Variants in PRSS23 observed in about 807,000 individuals in gnomAD.
PRSS23 encodes the protein protease, serine 23.
In PRSS23, 25 loss-of-function variants were observed where a neutral mutation model predicts 34.7. The ratio of observed to expected loss-of-function variants is 0.72; its 90% CI spans 0.53 to 1.01. The LOEUF is 1.01. PRSS23 is among the 50% of genes least tolerant of loss of function. The pLI, the probability that PRSS23 is intolerant of heterozygous loss-of-function variation, is 0.00. For synonymous variants in PRSS23, 176 were observed against 186.6 expected (o/e 0.94, Z 0.46); for missense variants, 445 against 475.6 (o/e 0.94, Z 0.60).
intron 2 of PRSS23, chr11:86,948,489 T>G (rs1949262985): frequency 6.6e-6 from 1 of 152,148 alleles, no homozygotes; most frequent in Non-Finnish European, 1.5e-5. Flanking sequence ...CCTGAAACCA[T>G]AAACACTCTC....
intron 1 of PRSS23, 92 bp from the exon 2 acceptor site, chr11:86,807,539 A>G: frequency 8.1e-7 from 1 of 1,233,356 alleles, no homozygotes; most frequent in South Asian, 1.5e-5. Context: ...AAGACTCAGA[A>G]ACAATGACAG....
intron 2 of PRSS23, among the ~76,000 whole-genome samples, chr11:86,837,914 C>A (rs923168500): frequency 6.6e-6 from 1 of 152,080 alleles, no homozygotes; most frequent in Admixed American, 6.6e-5. Flanking sequence ...GTACCTGGTT[C>A]TTCTCATTGG....
At chr11:86,886,161 T>A (rs1358964899) in intron 2 of PRSS23, among the ~76,000 whole-genome samples, 1 of 151,976 alleles carries the variant, frequency 6.6e-6, no homozygotes, top group African/African-American at 2.4e-5. Context: ...TCCAGGAGAT[T>A]GAGGCCAGCC....
intron 1 of PRSS23, among the ~76,000 whole-genome samples, chr11:86,804,919 C>G (rs1156595955): frequency 6.6e-6 from 1 of 152,210 alleles, no homozygotes; most frequent in Non-Finnish European, 1.5e-5. Flanking sequence ...ACTACCTCAT[C>G]TCCTACTCTT....
intron 2 of PRSS23, chr11:86,832,988 G>A (rs936736195): frequency 7.4e-6 from 3 of 404,608 alleles, no homozygotes; most frequent in African/African-American, 6.3e-5. Flanking sequence ...GTGCAGCTGG[G>A]AGTCTAAAAG....
intron 2 of PRSS23, among the ~76,000 whole-genome samples, chr11:86,870,867 G>A (rs1948680187): frequency 6.6e-6 from 1 of 152,028 alleles, no homozygotes. Context: ...TTTAATTGTT[G>A]AGCTAAAATT....
chr11:86,903,656 T>TTATTTTTA (rs1948925213), intron 2 of PRSS23, among the ~76,000 whole-genome samples: 1 of 152,062 alleles, frequency 6.6e-6, no homozygotes, highest in Non-Finnish European at 1.5e-5. Flanking sequence ...CTAATTTTTT[T>TTATTTTTA]GTATTTTTAG....
chr11:86,911,160 T>G (rs751248332), intron 2 of PRSS23: 17 of 152,238 alleles, frequency 1.1e-4, no homozygotes, highest in South Asian at 6.2e-4. Flanking sequence ...ACAAGTTTCA[T>G]GATTAGATGA....
intron 2 of PRSS23, among the ~76,000 whole-genome samples, chr11:86,853,243 T>C (rs12420325): frequency 3.9e-5 from 1 of 25,518 alleles, no homozygotes. Context: ...AGTGCCTGCC[T>C]TTTTTTTTTT....
chr11:86,832,725 G>A, intron 2 of PRSS23: 2 of 304,872 alleles, frequency 6.6e-6, no homozygotes, highest in South Asian at 6.4e-5. Context: ...ACTGACAGGG[G>A]AGACCCACAG....
intron 1 of PRSS23, among the ~76,000 whole-genome samples, chr11:86,820,560 A>T (rs1948244751): frequency 6.6e-6 from 1 of 152,242 alleles, no homozygotes; most frequent in African/African-American, 2.4e-5. Flanking sequence ...TATGTAGCAC[A>T]GTAAAATTAT....
rs1177542552 is a variant in PRSS23 at position 86,809,529 on chromosome 11, C to T, written c.*734C>T. Reference sequence around the variant, plus strand: ...GGCCCTCCCAACTTTAAAGTCATACCAGAGTGGCCAAGAGTGTTTATCCCA... The same window carrying T: ...GGCCCTCCCAACTTTAAAGTCATACTAGAGTGGCCAAGAGTGTTTATCCCA... On this transcript the variant is annotated 3_prime_UTR_variant, in exon 2 of 2. Transcript: ENST00000280258. The T allele has an allele frequency of 6.0e-6, 1 of 166,992 alleles. No individual in the cohort carries two copies. Among genetic ancestry groups the T allele is most frequent in the Non-Finnish European group, 1.5e-5 (1 of 68,106 alleles). 10.3% of individuals were successfully genotyped at this position (166,992 alleles called of 1,614,324 possible).
intron 2 of PRSS23, among the ~76,000 whole-genome samples, chr11:86,932,014 A>C (rs1041422598): frequency 5.3e-5 from 8 of 152,218 alleles, no homozygotes; most frequent in Non-Finnish European, 7.3e-5. Context: ...ATCTTTGTGC[A>C]AAAGTGAGGA....
intron 2 of PRSS23, among the ~76,000 whole-genome samples, chr11:86,830,899 T>C (rs545924932): frequency 6.6e-6 from 1 of 152,200 alleles, no homozygotes; most frequent in East Asian, 1.9e-4. Flanking sequence ...TCATTTGAAA[T>C]ATTCTATGGG....
intron 2 of PRSS23, chr11:86,936,911 C>A (rs1164110886): frequency 6.6e-6 from 1 of 151,940 alleles, no homozygotes; most frequent in Non-Finnish European, 1.5e-5. Context: ...TCTGGTCATA[C>A]CCTTACACCC....
At chr11:86,951,867 G>A in exon 3 of PRSS23, 1 of 1,613,554 alleles carries the variant, frequency 6.2e-7, no homozygotes, top group Non-Finnish European at 8.5e-7. Context: ...GTGTTCTTAA[G>A]TCCTTCTTGG....
At chr11:86,802,422 G>A (rs935500734) in intron 1 of PRSS23, among the ~76,000 whole-genome samples, 2 of 152,122 alleles carry the variant, frequency 1.3e-5, no homozygotes, top group Non-Finnish European at 2.9e-5. Context: ...CCTTAATAGG[G>A]TCTGTGATTC....
At chr11:86,880,478 A>C (rs1164311287) in intron 2 of PRSS23, among the ~76,000 whole-genome samples, 1 of 152,056 alleles carries the variant, frequency 6.6e-6, no homozygotes, top group Admixed American at 6.5e-5. Context: ...TAAGCCAAAA[A>C]AAAATACACT....
chr11:86,888,899 G>C (rs1227851117), intron 2 of PRSS23, among the ~76,000 whole-genome samples: 8 of 152,218 alleles, frequency 5.3e-5, no homozygotes, highest in Admixed American at 2.6e-4. Flanking sequence ...TGGCAAGTTT[G>C]CCCCTGGGAA....
Sources: allele counts gnomAD v4.1 joint callset (sites outside exome capture counted in the v4.1 genomes callset), GRCh38; gene constraint gnomAD v4.1.1; transcripts MANE v1.5; gene names NCBI Gene and HGNC (gene_info 2026-07-23, HGNC 2026-07-21).